The following ERGIC2 variants were observed in gnomAD, a reference collection of about 807,000 sequenced individuals.
The protein encoded by ERGIC2 is endoplasmic reticulum-Golgi intermediate compartment protein 2.
In ERGIC2, 31 loss-of-function variants were observed where a neutral mutation model predicts 52.5. That is an observed-to-expected ratio of 0.59 (90% CI 0.44 to 0.80). The LOEUF (loss-of-function observed/expected upper bound fraction) is 0.80, where lower values mean the gene tolerates loss of function less well. ERGIC2 is among the 30% of genes least tolerant of loss of function. The pLI is 0.00. For missense variants in ERGIC2, 395 were observed against 455.2 expected, an observed-to-expected ratio of 0.87 and a Z score of 1.20; for synonymous variants, 129 against 140.6, an observed-to-expected ratio of 0.92 and a Z score of 0.58.
At chr12:29,351,260 T>C (rs558339076) in intron 8 of ERGIC2, among the ~76,000 whole-genome samples, 12 of 152,286 alleles carry the variant, frequency 7.9e-5, no homozygotes, top group Admixed American at 2.6e-4. Flanking sequence ...TGCAAAGCAA[T>C]AGGCATTAAA....
intron 5 of ERGIC2, among the ~76,000 whole-genome samples, chr12:29,365,314 A>G (rs567474863): frequency 6.6e-6 from 1 of 152,220 alleles, no homozygotes; most frequent in African/African-American, 2.4e-5. Flanking sequence ...AGCAACATGA[A>G]TGCAGCTGGA....
chr12:29,378,521 T>C (rs1461126735), intron 1 of ERGIC2, among the ~76,000 whole-genome samples: 5 of 152,118 alleles, frequency 3.3e-5, no homozygotes, highest in African/African-American at 1.2e-4. Context: ...TACTTGATTA[T>C]ATTGCATTAG....
At chr12:29,363,492 A>G (rs1940313917) in intron 5 of ERGIC2, among the ~76,000 whole-genome samples, 1 of 151,968 alleles carries the variant, frequency 6.6e-6, no homozygotes, top group Non-Finnish European at 1.5e-5. Context: ...CACTTTAAAT[A>G]TTACTAATGA....
intron 1 of ERGIC2, among the ~76,000 whole-genome samples, chr12:29,375,969 T>C (rs550934213): frequency 5.3e-5 from 8 of 152,236 alleles, no homozygotes; most frequent in Non-Finnish European, 8.8e-5. Flanking sequence ...CTAGCTTTTC[T>C]AAAAGAAATT....
intron 2 of ERGIC2, 74 bp downstream of exon 2, chr12:29,371,454 T>G: frequency 1.0e-6 from 1 of 955,146 alleles, no homozygotes; most frequent in Non-Finnish European, 1.6e-6. Flanking sequence ...CATGGCTACA[T>G]TTCTATATGT....
At position 29,338,823 on chromosome 12, in the gene ERGIC2, T is replaced by C. The variant is rs1268475419; in HGVS notation, c.*2333A>G. The stretch of plus-strand genomic sequence containing the variant: ...CCATTTCATATAATTTGAGATCTCA[T>C]TTTTAAATATGTAGTCTGGAATATA... On this transcript the variant is annotated 3_prime_UTR_variant, in exon 14 of 14. Transcript: ENST00000360150. 6.6e-6 allele frequency: 1 copy of C among 152,152 alleles called. No homozygotes were observed. Among genetic ancestry groups the C allele is most frequent in the Non-Finnish European group, 1.5e-5 (1 of 68,022 alleles). The allele number at this position is 152,152 out of a possible 1,614,324, so 9.4% of individuals were successfully genotyped here.
At chr12:29,363,316 T>A (rs1389765623) in intron 5 of ERGIC2, among the ~76,000 whole-genome samples, 1 of 152,108 alleles carries the variant, frequency 6.6e-6, no homozygotes, top group Non-Finnish European at 1.5e-5. Context: ...ACTAGTAAAG[T>A]TATCAGGGCT....
chr12:29,346,017 A>C (rs137971994), intron 10 of ERGIC2, among the ~76,000 whole-genome samples: 1 of 152,128 alleles, frequency 6.6e-6, no homozygotes, highest in African/African-American at 2.4e-5. Context: ...TAACAAAAAA[A>C]ATTTTTAAAA....
rs550007791 is a variant in ERGIC2, at chr12:29,367,992, C to A, written c.262+249G>T. Among the ~76,000 whole-genome samples the A allele has an allele frequency of 1.7e-4, 26 of 151,912 alleles. No homozygotes were observed. The South Asian group carries it at 5.0e-3, about 29-fold the overall frequency. On this transcript the variant is annotated intron_variant, in intron 4 of 13. Coordinates refer to ENST00000360150, the MANE Select transcript of ERGIC2 (RefSeq NM_016570.3). Reference sequence around the variant, plus strand: ...ATGTACATAAACTAGAATGCTGATTCACAAACATTTCCTCCAACTTTCTTT... The same window carrying A: ...ATGTACATAAACTAGAATGCTGATTAACAAACATTTCCTCCAACTTTCTTT...
chr12:29,365,958 A>C (rs1333485268), intron 5 of ERGIC2, among the ~76,000 whole-genome samples: 2 of 152,000 alleles, frequency 1.3e-5, no homozygotes, highest in Non-Finnish European at 2.9e-5. Flanking sequence ...GTCAAAAGGC[A>C]CATATCAAGT....
At chr12:29,377,849 GTTAAGT>G (rs1268632017) in intron 1 of ERGIC2, among the ~76,000 whole-genome samples, 1 of 152,144 alleles carries the variant, frequency 6.6e-6, no homozygotes, top group Non-Finnish European at 1.5e-5. Context: ...AGTCTGCTCA[GTTAAGT>G]TTAATTCTCC....
chr12:29,344,160 G>T (rs976131399), intron 11 of ERGIC2, among the ~76,000 whole-genome samples: 7 of 152,138 alleles, frequency 4.6e-5, no homozygotes, highest in Admixed American at 1.3e-4. Context: ...AGTGTGTGTA[G>T]ATGTACCATC....
At position 29,357,697 on chromosome 12, in the gene ERGIC2, T is replaced by C. The variant is rs764219585; in HGVS notation, c.402A>G (p.Leu134=). ...CATCTTGAAGTGAATGCTCTTCTTG[T>C]AGCCTACTCTGAATCAGCTGCAGCA... ...QRMLQLIQSR[L]QEEHSLQDVI... Residue 134 remains leucine (L), a synonymous_variant, in exon 7 of 14, where the codon CTA becomes CTG. Transcript: ENST00000360150. The C allele has an allele frequency of 2.5e-6, 4 of 1,607,820 alleles. No individual in the cohort carries two copies. Among genetic ancestry groups the C allele is most frequent in the East Asian group, 2.2e-5 (1 of 44,764 alleles).
intron 1 of ERGIC2, chr12:29,372,965 A>G (rs1773301640): frequency 6.6e-6 from 1 of 151,162 alleles, no homozygotes; most frequent in South Asian, 2.1e-4. Flanking sequence ...CTGGCCTGAA[A>G]CTCTTTTATT....
rs1443477632 is a variant in ERGIC2 at position 29,366,947 on chromosome 12, T to A, written c.263A>T (p.Tyr88Phe). Residue 88 changes from tyrosine (Y) to phenylalanine (F), a missense_variant and splice_region_variant, in exon 5 of 14, where the codon TAT becomes TTT. Coordinates refer to ENST00000360150, the MANE Select transcript of ERGIC2 (RefSeq NM_016570.3). ...TAAATCCAATACATCCGCTCCAACA[T>A]CTGCATAGAAAAAAGAATTAGAAGT... ...IDITVAMKCQ[Y>F]VGADVLDLAE... The A allele has an allele frequency of 6.3e-7, 1 of 1,589,368 alleles. No individual in the cohort carries two copies. Among genetic ancestry groups the A allele is most frequent in the East Asian group, 2.3e-5 (1 of 44,128 alleles).
chr12:29,345,642 G>GCA, intron 10 of ERGIC2, 102 bp from the exon 11 acceptor site: 1 of 717,496 alleles, frequency 1.4e-6, no homozygotes. Context: ...AGCTGGATGT[G>GCA]GTGGCTCACA....
intron 1 of ERGIC2, among the ~76,000 whole-genome samples, chr12:29,377,288 C>T (rs755919314): frequency 6.6e-6 from 1 of 152,140 alleles, no homozygotes; most frequent in African/African-American, 2.4e-5. Context: ...TCACTGATAA[C>T]AGCTGGAGCT....
At chr12:29,374,247 T>C (rs1339166806) in intron 1 of ERGIC2, among the ~76,000 whole-genome samples, 2 of 152,358 alleles carry the variant, frequency 1.3e-5, no homozygotes, top group East Asian at 3.9e-4. Flanking sequence ...CTTATCTAAC[T>C]GCACCTCTGA....
intron 1 of ERGIC2, among the ~76,000 whole-genome samples, chr12:29,375,382 G>A (rs1343217314): frequency 6.6e-6 from 1 of 152,130 alleles, no homozygotes; most frequent in Non-Finnish European, 1.5e-5. Context: ...GAAAAGGAAG[G>A]AAGGAAATTT....
Sources: allele counts gnomAD v4.1 joint callset (sites outside exome capture counted in the v4.1 genomes callset), GRCh38; gene constraint gnomAD v4.1.1; transcripts MANE v1.5; gene names NCBI Gene and HGNC (gene_info 2026-07-23, HGNC 2026-07-21).